Variants in MRPS27 observed in about 807,000 individuals in gnomAD.
MRPS27 encodes the protein mitochondrial ribosomal protein S27, also known as small ribosomal subunit protein mS27.
A neutral mutation model predicts 48.9 loss-of-function variants in MRPS27; 43 were observed. That is an observed-to-expected ratio of 0.88 (90% confidence interval 0.69 to 1.13). MRPS27 has a LOEUF of 1.13. Among genes scored for constraint, MRPS27 ranks in the 50% most tolerant of loss-of-function variants. The probability of loss-of-function intolerance (pLI) is 0.00; values close to 1 mark genes in which losing one functional copy is unlikely to be tolerated. For missense variants in MRPS27, 467 were observed against 476.3 expected (o/e 0.98, Z 0.18); for synonymous variants, 188 against 171.9 (o/e 1.09, Z -0.73).
intron 4 of MRPS27, among the ~76,000 whole-genome samples, chr5:72,283,466 C>A (rs1749583294): frequency 6.6e-6 from 1 of 152,182 alleles, no homozygotes; most frequent in African/African-American, 2.4e-5. Flanking sequence ...TCATCCACAG[C>A]TGGAGCTTGG....
chr5:72,312,726 T>C (rs1395881784), intron 2 of MRPS27, among the ~76,000 whole-genome samples: 2 of 151,718 alleles, frequency 1.3e-5, no homozygotes, highest in African/African-American at 4.8e-5. Context: ...GTTCAAGCGA[T>C]TCTCCTGCCT....
intron 4 of MRPS27, among the ~76,000 whole-genome samples, chr5:72,292,145 G>A (rs1749837766): frequency 7.6e-6 from 1 of 130,870 alleles, no homozygotes; most frequent in Admixed American, 7.4e-5. Context: ...TTTTAACTTT[G>A]TTGCTATTTT....
chr5:72,290,750 G>C (rs1749795971), intron 4 of MRPS27, among the ~76,000 whole-genome samples: 1 of 152,162 alleles, frequency 6.6e-6, no homozygotes, highest in Non-Finnish European at 1.5e-5. Context: ...GAAAAAGAAA[G>C]TATTTTGCCT....
At chr5:72,257,219 T>C (rs1227017422) in intron 4 of MRPS27, among the ~76,000 whole-genome samples, 1 of 152,170 alleles carries the variant, frequency 6.6e-6, no homozygotes, top group Non-Finnish European at 1.5e-5. Flanking sequence ...TTTGGGAAAG[T>C]CTTACGTTCC....
chr5:72,313,991 A>G, intron 2 of MRPS27, 90 bp downstream of exon 2: 1 of 966,182 alleles, frequency 1.0e-6, no homozygotes, highest in Non-Finnish European at 1.6e-6. Flanking sequence ...TCATAAAAGC[A>G]TAATTTCATA....
At chr5:72,302,021 C>T (rs998594660) in intron 2 of MRPS27, among the ~76,000 whole-genome samples, 1 of 152,160 alleles carries the variant, frequency 6.6e-6, no homozygotes. Context: ...CTATTCAGCT[C>T]CTCAGGAATA....
chr5:72,303,757 T>C (rs1750183133), intron 2 of MRPS27, among the ~76,000 whole-genome samples: 1 of 150,906 alleles, frequency 6.6e-6, no homozygotes, highest in African/African-American at 2.4e-5. Flanking sequence ...CTTTAAAAAA[T>C]AAGGGCAAAA....
At chr5:72,223,558 T>G in intron 10 of MRPS27, 125 bp downstream of exon 10, 1 of 1,196,994 alleles carries the variant, frequency 8.4e-7, no homozygotes, top group Non-Finnish European at 1.2e-6. Flanking sequence ...AAAAATGTAA[T>G]TTTTGATGTC....
At chr5:72,254,058 C>G (rs904836804) in intron 4 of MRPS27, among the ~76,000 whole-genome samples, 2 of 152,224 alleles carry the variant, frequency 1.3e-5, no homozygotes, top group East Asian at 1.9e-4. Flanking sequence ...GGACTACAGG[C>G]AGGTGACCCT....
intron 4 of MRPS27, among the ~76,000 whole-genome samples, chr5:72,248,123 T>C (rs1748555198): frequency 6.6e-6 from 1 of 152,220 alleles, no homozygotes; most frequent in Non-Finnish European, 1.5e-5. Flanking sequence ...ATACATTTAA[T>C]AGGCAGCTCC....
chr5:72,287,311 T>TA (rs928574348), intron 4 of MRPS27, among the ~76,000 whole-genome samples: 113 of 145,036 alleles, frequency 7.8e-4, no homozygotes, highest in Middle Eastern at 6.9e-3. Context: ...CACAATCCAT[T>TA]AAAAAAAAAA....
intron 2 of MRPS27, among the ~76,000 whole-genome samples, chr5:72,313,516 G>A (rs1352911641): frequency 6.6e-6 from 1 of 152,180 alleles, no homozygotes; most frequent in Non-Finnish European, 1.5e-5. Context: ...TTCTTTTGGG[G>A]CTTGGTATTT....
intron 4 of MRPS27, among the ~76,000 whole-genome samples, chr5:72,272,874 G>T (rs980393058): frequency 1.3e-5 from 2 of 152,176 alleles, no homozygotes. Context: ...ATGAAACAAA[G>T]ATGGGCTAAG....
intron 2 of MRPS27, among the ~76,000 whole-genome samples, chr5:72,311,541 T>C (rs899675573): frequency 2.6e-5 from 4 of 152,124 alleles, no homozygotes; most frequent in Admixed American, 1.3e-4. Flanking sequence ...GGTTAATGGA[T>C]TGATGGGTTA....
At chr5:72,300,815 A>G (rs1332065530) in intron 2 of MRPS27, among the ~76,000 whole-genome samples, 2 of 152,320 alleles carry the variant, frequency 1.3e-5, no homozygotes, top group East Asian at 1.9e-4. Flanking sequence ...CTGAGTGAGC[A>G]TTTTAAAAGA....
Position 72,320,164 on chromosome 5 carries a change from G to C in MRPS27, c.58C>G (p.Gln20Glu). Residue 20 changes from glutamine to glutamate, a missense_variant, in exon 1 of 11, where the codon CAG (glutamine) becomes GAG (glutamate). By Grantham distance (29) the Gln-to-Glu change is conservative. Transcript: ENST00000261413. The part of the protein sequence containing the change: ...MLLARQVVLP[Q>E]LSPAGKRYLL... The stretch of plus-strand genomic sequence containing the variant: ...TCCGGCCAACCTGCAGGAGAGAGCT[G>C]AGGAAGAACCACTTGCCGCGCCAGG... 3 of 1,613,994 alleles carry C rather than the reference G, an allele frequency of 1.9e-6. No homozygotes were observed. The highest frequency in any genetic ancestry group is 3.3e-4 in the Middle Eastern group (2 of 6,062).
At chr5:72,234,068 C>A in intron 6 of MRPS27, 51 bp downstream of exon 6, 1 of 1,429,374 alleles carries the variant, frequency 7.0e-7, no homozygotes, top group Non-Finnish European at 9.2e-7. Context: ...GTACACCTCC[C>A]TTTGGGAGCT....
At chr5:72,314,385 T>C in intron 1 of MRPS27, 1 of 365,124 alleles carries the variant, frequency 2.7e-6, no homozygotes, top group Non-Finnish European at 5.0e-6. Context: ...TCACAATAAT[T>C]TTTTAAATAA....
intron 2 of MRPS27, among the ~76,000 whole-genome samples, chr5:72,308,154 G>A (rs1750329098): frequency 6.6e-6 from 1 of 152,170 alleles, no homozygotes; most frequent in Non-Finnish European, 1.5e-5. Flanking sequence ...CCCGGCGCTG[G>A]GAAACTGCCC....
Sources: gnomAD v4.1 joint callset for allele counts (sites outside exome capture counted in the v4.1 genomes callset) on GRCh38, gnomAD v4.1.1 for gene constraint, MANE v1.5 for transcripts, NCBI Gene and HGNC (gene_info 2026-07-23, HGNC 2026-07-21) for gene names.